ADAMTS19: variants seen among roughly 807,000 people sequenced by gnomAD.
The protein encoded by ADAMTS19 is A disintegrin and metalloproteinase with thrombospondin motifs 19.
In ADAMTS19, 93 loss-of-function variants were observed where a neutral mutation model predicts 153.3. That is an observed-to-expected ratio of 0.61 (90% confidence interval 0.51 to 0.72). ADAMTS19 has a LOEUF of 0.72. Among genes scored for constraint, ADAMTS19 ranks in the 30% least tolerant of loss-of-function variants. The pLI is 0.00. For missense variants in ADAMTS19, 1,482 were observed against 1,552.1 expected (o/e 0.95, Z 0.76); for synonymous variants, 600 against 556.6 (o/e 1.08, Z -1.10).
At chr5:129,616,496 C>T (rs1709891043) in intron 8 of ADAMTS19, among the ~76,000 whole-genome samples, 1 of 152,006 alleles carries the variant, frequency 6.6e-6, no homozygotes, top group South Asian at 2.1e-4. Context: ...CTTCTCCTCC[C>T]TAATTCTTTG....
chr5:129,522,332 C>CATACACATAT (rs1751850328), intron 3 of ADAMTS19, among the ~76,000 whole-genome samples: 1 of 58,626 alleles, frequency 1.7e-5, no homozygotes, highest in Non-Finnish European at 2.8e-5. Context: ...CACACACACA[C>CATACACATAT]ATATATATAT....
intron 8 of ADAMTS19, among the ~76,000 whole-genome samples, chr5:129,608,116 G>GTGTATATA (rs377008786): frequency 0.017 from 837 of 47,922 alleles, 32 homozygotes; most frequent in African/African-American, 0.024. Flanking sequence ...GTGTGTGTGT[G>GTGTATATA]TATATATATA....
At chr5:129,647,437 A>G (rs1193293326) in intron 11 of ADAMTS19, among the ~76,000 whole-genome samples, 3 of 151,984 alleles carry the variant, frequency 2.0e-5, no homozygotes, top group African/African-American at 7.2e-5. Flanking sequence ...GGTTTCTTAA[A>G]TGTGTTGGAT....
intron 18 of ADAMTS19, among the ~76,000 whole-genome samples, chr5:129,685,207 T>G (rs1433646945): frequency 6.6e-6 from 1 of 152,038 alleles, no homozygotes; most frequent in African/African-American, 2.4e-5. Context: ...TATGTATCCT[T>G]GGCATTTAAA....
chr5:129,592,132 C>T (rs1304211355), intron 7 of ADAMTS19, among the ~76,000 whole-genome samples: 1 of 151,988 alleles, frequency 6.6e-6, no homozygotes, highest in Non-Finnish European at 1.5e-5. Context: ...AATCCCAGCA[C>T]TTTGGGAATC....
At chr5:129,689,200 A>G (rs1228179111) in intron 18 of ADAMTS19, among the ~76,000 whole-genome samples, 1 of 152,138 alleles carries the variant, frequency 6.6e-6, no homozygotes, top group Non-Finnish European at 1.5e-5. Flanking sequence ...ATAAGCCAAC[A>G]TTCCACATTC....
chr5:129,639,372 G>A, intron 10 of ADAMTS19, among the ~76,000 whole-genome samples: 1 of 152,110 alleles, frequency 6.6e-6, no homozygotes, highest in East Asian at 1.9e-4. Flanking sequence ...ATTTTGGTTT[G>A]AACTTCTAAA....
rs144523898 is a variant in ADAMTS19, at chr5:129,673,913, C to G, written c.2507-5851C>G. Among the ~76,000 whole-genome samples, 589 of 152,150 alleles carry G rather than the reference C, an allele frequency of 3.9e-3. 2 individuals carry two copies. The highest frequency in any genetic ancestry group is 0.013 in the African/African-American group (541 of 41,496). The stretch of plus-strand genomic sequence containing the variant: ...TTTTTAAATCTCAAAATATTTCTTG[C>G]CCTTGTCCATGGTATCCATTAATAA... On this transcript the variant is annotated intron_variant, in intron 16 of 22. Coordinates refer to ENST00000274487, the MANE Select transcript of ADAMTS19 (RefSeq NM_133638.6).
intron 10 of ADAMTS19, among the ~76,000 whole-genome samples, chr5:129,640,443 A>G (rs898680975): frequency 2.0e-5 from 3 of 152,174 alleles, no homozygotes; most frequent in Non-Finnish European, 4.4e-5. Context: ...AAATATATCT[A>G]ATAGATTTGG....
chr5:129,564,366 A>G (rs1753632016), intron 7 of ADAMTS19, among the ~76,000 whole-genome samples: 1 of 152,192 alleles, frequency 6.6e-6, no homozygotes, highest in Non-Finnish European at 1.5e-5. Flanking sequence ...ACGAAGCAAT[A>G]GAAAACTAGC....
chr5:129,555,084 G>A (rs563789092), intron 7 of ADAMTS19, among the ~76,000 whole-genome samples: 5 of 151,962 alleles, frequency 3.3e-5, no homozygotes, highest in African/African-American at 4.8e-5. Flanking sequence ...TATAACCGAT[G>A]TGAAGTCAGC....
rs187857898 is a variant in ADAMTS19 at position 129,603,780 on chromosome 5, T to C, written c.1478+7116T>C. Reference sequence around the variant, plus strand: ...TAAAGATGGAAGGCAATAATATTACTTTAGAGATGATGATTGCCAAAGCTC... The same window carrying C: ...TAAAGATGGAAGGCAATAATATTACCTTAGAGATGATGATTGCCAAAGCTC... On this transcript the variant is annotated intron_variant, in intron 8 of 22. Transcript: ENST00000274487. Among the ~76,000 whole-genome samples the C allele has an allele frequency of 2.1e-3, 324 of 152,270 alleles. 3 individuals carry two copies. Among genetic ancestry groups the C allele is most frequent in the Admixed American group, 8.3e-3 (127 of 15,272 alleles).
chr5:129,467,023 G>C (rs532255877), intron 2 of ADAMTS19, among the ~76,000 whole-genome samples: 1 of 152,094 alleles, frequency 6.6e-6, no homozygotes, highest in Non-Finnish European at 1.5e-5. Flanking sequence ...TTTTTCCAAA[G>C]TGTTCACAGA....
At chr5:129,632,577 G>A (rs1293988413) in intron 10 of ADAMTS19, among the ~76,000 whole-genome samples, 1 of 151,526 alleles carries the variant, frequency 6.6e-6, no homozygotes, top group Non-Finnish European at 1.5e-5. Context: ...CTTTTAGTTG[G>A]GTTGCTAATG....
chr5:129,526,995 A>G (rs1752035577), intron 4 of ADAMTS19, among the ~76,000 whole-genome samples: 2 of 152,036 alleles, frequency 1.3e-5, no homozygotes, highest in Admixed American at 6.6e-5. Context: ...CCACTGACCT[A>G]TTATATACGT....
At chr5:129,544,634 G>A (rs1256893006) in intron 6 of ADAMTS19, among the ~76,000 whole-genome samples, 1 of 152,130 alleles carries the variant, frequency 6.6e-6, no homozygotes, top group East Asian at 1.9e-4. Flanking sequence ...CTGGCAACAA[G>A]TTTAGTAAGC....
intron 16 of ADAMTS19, among the ~76,000 whole-genome samples, chr5:129,674,678 CCT>C (rs1370754187): frequency 6.6e-6 from 1 of 152,152 alleles, no homozygotes; most frequent in East Asian, 1.9e-4. Flanking sequence ...ACAGTATACT[CCT>C]CTTTTTCCTT....
At chr5:129,464,103 A>T (rs1037753361) in intron 2 of ADAMTS19, among the ~76,000 whole-genome samples, 2 of 152,214 alleles carry the variant, frequency 1.3e-5, no homozygotes, top group Non-Finnish European at 2.9e-5. Context: ...TAGAGGGAGG[A>T]GACTGAGTGC....
chr5:129,463,129 TG>T (rs1308946600), intron 2 of ADAMTS19, among the ~76,000 whole-genome samples: 4 of 152,248 alleles, frequency 2.6e-5, no homozygotes, highest in African/African-American at 7.2e-5. Context: ...AACATTTCAC[TG>T]GGGAAAACAT....
Sources: allele counts gnomAD v4.1 joint callset (sites outside exome capture counted in the v4.1 genomes callset), GRCh38; gene constraint gnomAD v4.1.1; transcripts MANE v1.5; gene names NCBI Gene and HGNC (gene_info 2026-07-23, HGNC 2026-07-21).